Variants in RC3H2 observed in about 807,000 individuals in gnomAD.
The protein encoded by RC3H2 is roquin-2.
A neutral mutation model predicts 133.3 loss-of-function variants in RC3H2; 31 were observed. The ratio of observed to expected loss-of-function variants is 0.23; its 90% CI spans 0.17 to 0.31. RC3H2 has a LOEUF of 0.31. RC3H2 is among the 10% of genes least tolerant of loss of function. The probability of loss-of-function intolerance (pLI) is 1.00; values close to 1 mark genes in which losing one functional copy is unlikely to be tolerated. For synonymous variants in RC3H2, 517 were observed against 502.2 expected (o/e 1.03, Z -0.40); for missense variants, 1,175 against 1,437.2 (o/e 0.82, Z 2.95).
rs745471352 is a variant in RC3H2 at position 122,851,113 on chromosome 9, C to T, written c.3348G>A (p.Lys1116=). ...QQHQKEPPKQ[K]KQSLGEDHVI... ...CATGGTCTTCACCTAAACTCTGTTT[C>T]TTCTGCTTTGGTGGCTCCTTTTGGT... is the stretch of plus-strand genomic sequence containing the variant. The change falls in exon 20 of 21, where the codon AAG becomes AAA. Residue 1116 remains lysine (K), a synonymous_variant. Transcript: ENST00000357244. 25 of 1,614,084 alleles carry T rather than the reference C, an allele frequency of 1.5e-5. No individual in the cohort carries two copies. The highest frequency in any genetic ancestry group is 1.6e-4 in the Middle Eastern group (1 of 6,084).
chr9:122,877,435 A>G (rs759943961), intron 9 of RC3H2, 36 bp downstream of exon 9: 18 of 1,540,168 alleles, frequency 1.2e-5, no homozygotes, highest in Admixed American at 1.7e-5. Context: ...AAAATCAAAA[A>G]TTAAACCCAT....
At chr9:122,864,506 G>C (rs1830565903) in intron 10 of RC3H2, among the ~76,000 whole-genome samples, 1 of 152,098 alleles carries the variant, frequency 6.6e-6, no homozygotes, top group Non-Finnish European at 1.5e-5. Context: ...TATAATTCTA[G>C]TTTTATGAAG....
intron 1 of RC3H2, 189 bp from the exon 2 acceptor site, chr9:122,897,765 T>C (rs1832483036): frequency 2.1e-6 from 1 of 465,934 alleles, no homozygotes; most frequent in Non-Finnish European, 3.8e-6. Context: ...CTGGAAACAA[T>C]ACCTTAATAG....
rs529283041 is a variant in RC3H2 at position 122,884,066 on chromosome 9, G to A, written c.584-687C>T. On this transcript the variant is annotated intron_variant, in intron 4 of 20. Coordinates refer to ENST00000357244, the MANE Select transcript of RC3H2 (RefSeq NM_001100588.3). ...TTCCAGCACTTTGGGAGGCCAAGGCGGGCGGATCACCAGGTCAGGAGATCG... is the reference window on the plus strand; with the variant it reads ...TTCCAGCACTTTGGGAGGCCAAGGCAGGCGGATCACCAGGTCAGGAGATCG... Among the ~76,000 whole-genome samples, 5 of 152,232 alleles carry A rather than the reference G, an allele frequency of 3.3e-5. No individual in the cohort carries two copies. In the East Asian group the frequency reaches 5.8e-4, roughly 18 times the overall value.
At chr9:122,872,188 T>A (rs1362065911) in intron 9 of RC3H2, among the ~76,000 whole-genome samples, 1 of 152,242 alleles carries the variant, frequency 6.6e-6, no homozygotes, top group Non-Finnish European at 1.5e-5. Context: ...AAGAGACCAC[T>A]AAGTTATGCA....
intron 4 of RC3H2, among the ~76,000 whole-genome samples, chr9:122,889,424 C>T (rs1047900742): frequency 2.0e-5 from 3 of 151,616 alleles, no homozygotes; most frequent in Non-Finnish European, 4.4e-5. Context: ...TTGCTTTTTC[C>T]GCATTTTGAT....
Position 122,854,627 on chromosome 9 carries a change from T to C in RC3H2, c.2816-12A>G, listed in dbSNP as rs748808197. The C allele has an allele frequency of 1.1e-5, 17 of 1,587,380 alleles. No individual in the cohort carries two copies. Among genetic ancestry groups the C allele is most frequent in the African/African-American group, 2.7e-5 (2 of 74,354 alleles). On this transcript the variant is annotated splice_polypyrimidine_tract_variant and intron_variant, in intron 15 of 20. Transcript: ENST00000357244. ...ATAAGGGACATAATCTACAGACATG[T>C]AGAATGAAACAATGGTCAAAAAAGT...
rs1389018981 is a variant in RC3H2, at chr9:122,855,859, C to G, written c.2474G>C (p.Gly825Ala). The change falls in exon 14 of 21, where the codon GGT becomes GCT. Residue 825 changes from glycine (G) to alanine (A), a missense_variant. Coordinates refer to ENST00000357244, the MANE Select transcript of RC3H2 (RefSeq NM_001100588.3). ...FRADFSESVS[G>A]TKFEEDHLSH... ...AAGATGATCTTCTTCAAATTTTGTA[C>G]CACTCACACTCTCTGAGAACTGGTT... The G allele has an allele frequency of 6.2e-7, 1 of 1,612,672 alleles. No individual in the cohort carries two copies. The highest frequency in any genetic ancestry group is 8.5e-7 in the Non-Finnish European group (1 of 1,179,394).
At chr9:122,862,241 G>C (rs10985798) in intron 10 of RC3H2, among the ~76,000 whole-genome samples, 10,534 of 152,172 alleles carry the variant, frequency 0.069, 414 homozygotes, top group African/African-American at 0.093. Flanking sequence ...TCCATGATAA[G>C]GTCAACATTT....
chr9:122,855,140 A>G, intron 15 of RC3H2, 44 bp downstream of exon 15: 1 of 1,252,462 alleles, frequency 8.0e-7, no homozygotes, highest in Non-Finnish European at 1.1e-6. Flanking sequence ...AAAAAGGCAT[A>G]GTGCTTAGAA....
rs149110955 is a variant in RC3H2 at position 122,904,543 on chromosome 9, G to A, written c.-68+567C>T. Among the ~76,000 whole-genome samples the A allele has an allele frequency of 4.0e-3, 605 of 152,350 alleles. 6 individuals are homozygous for A. The highest frequency in any genetic ancestry group is 0.014 in the African/African-American group (565 of 41,586). The stretch of plus-strand genomic sequence containing the variant: ...AGAGGGAAAGAAGAAAGCCATAGCA[G>A]AATTTCCTGGCTGTGTTTCATGCCA... On this transcript the variant is annotated intron_variant, in intron 1 of 20. Transcript: ENST00000357244.
intron 9 of RC3H2, among the ~76,000 whole-genome samples, chr9:122,870,098 G>C (rs1478771585): frequency 6.6e-6 from 1 of 151,942 alleles, no homozygotes; most frequent in Non-Finnish European, 1.5e-5. Context: ...AACTTGGCCG[G>C]GCATGGTGGC....
intron 10 of RC3H2, among the ~76,000 whole-genome samples, chr9:122,863,075 C>T (rs1830520151): frequency 6.6e-6 from 1 of 152,126 alleles, no homozygotes; most frequent in East Asian, 1.9e-4. Context: ...CATTAGCATT[C>T]ATTCCCCATT....
chr9:122,881,457 C>CAA (rs11321863), intron 5 of RC3H2, among the ~76,000 whole-genome samples: 13 of 85,298 alleles, frequency 1.5e-4, no homozygotes, highest in South Asian at 4.0e-4. Context: ...GACTCCGTCT[C>CAA]AAAAAAAAAA....
chr9:122,875,068 A>G, intron 9 of RC3H2: 1 of 1,193,832 alleles, frequency 8.4e-7, no homozygotes, highest in Non-Finnish European at 1.1e-6. Context: ...GGTATGGACA[A>G]GCTGAATGTA....
At chr9:122,880,852 T>C in intron 5 of RC3H2, 58 bp from the exon 6 acceptor site, 2 of 1,253,102 alleles carry the variant, frequency 1.6e-6, no homozygotes, top group African/African-American at 1.5e-5. Flanking sequence ...CTTCAACTGA[T>C]TCGTTTATTC....
At chr9:122,871,075 G>A (rs1344218467) in intron 9 of RC3H2, among the ~76,000 whole-genome samples, 1 of 152,142 alleles carries the variant, frequency 6.6e-6, no homozygotes. Flanking sequence ...TGAAAGCAGA[G>A]GAGAATAATT....
intron 4 of RC3H2, among the ~76,000 whole-genome samples, chr9:122,883,747 C>T (rs902809805): frequency 5.3e-5 from 8 of 151,902 alleles, no homozygotes; most frequent in South Asian, 2.1e-4. Context: ...GTTGAGAGGC[C>T]GAGGCAGGAC....
Position 122,875,184 on chromosome 9 carries a change from C to T in RC3H2, c.1325+2287G>A, listed in dbSNP as rs776279205. On this transcript the variant is annotated intron_variant, in intron 9 of 20. Transcript: ENST00000357244. ...TTCCTTAGGACTCCTTAATCCTCTT[C>T]TCTAGGCACTTCAAGTGGGGAAAAA... 36 of 1,550,778 alleles carry T rather than the reference C, an allele frequency of 2.3e-5. No homozygotes were observed. The South Asian group carries it at 4.2e-4, about 18-fold the overall frequency.
Sources: gnomAD v4.1 joint callset for allele counts (sites outside exome capture counted in the v4.1 genomes callset) on GRCh38, gnomAD v4.1.1 for gene constraint, MANE v1.5 for transcripts, NCBI Gene and HGNC (gene_info 2026-07-23, HGNC 2026-07-21) for gene names.